UBE4A: variants seen among roughly 807,000 people sequenced by gnomAD.
The protein encoded by UBE4A is ubiquitin conjugation factor E4 A.
In UBE4A, 48 loss-of-function variants were observed where a neutral mutation model predicts 117.9. The ratio of observed to expected loss-of-function variants is 0.41; its 90% CI spans 0.32 to 0.52. The LOEUF (loss-of-function observed/expected upper bound fraction) is 0.52, where lower values mean the gene tolerates loss of function less well. Among genes scored for constraint, UBE4A ranks in the 20% least tolerant of loss-of-function variants. UBE4A has a pLI of 0.33. For missense variants in UBE4A, 1,067 were observed against 1,296.3 expected (o/e 0.82, Z 2.72); for synonymous variants, 407 against 450.0 (o/e 0.90, Z 1.21).
At chr11:118,390,608 A>G in intron 17 of UBE4A, 49 bp from the exon 18 acceptor site, 1 of 1,415,026 alleles carries the variant, frequency 7.1e-7, no homozygotes, top group Non-Finnish European at 9.2e-7. Flanking sequence ...TGTCTCTTCC[A>G]TTGACCAACC....
At chr11:118,364,950 A>G in intron 1 of UBE4A, 90 bp from the exon 2 acceptor site, 1 of 1,178,822 alleles carries the variant, frequency 8.5e-7, no homozygotes, top group Non-Finnish European at 1.1e-6. Flanking sequence ...AATGTATTGT[A>G]TTTGAGAAAT....
At chr11:118,391,052 C>T (rs1263701480) in intron 18 of UBE4A, among the ~76,000 whole-genome samples, 3 of 152,278 alleles carry the variant, frequency 2.0e-5, no homozygotes, top group African/African-American at 7.2e-5. Flanking sequence ...GTCACCTCAG[C>T]TGTGCTGATT....
intron 10 of UBE4A, among the ~76,000 whole-genome samples, chr11:118,378,144 G>A (rs1288469275): frequency 6.6e-6 from 1 of 151,884 alleles, no homozygotes; most frequent in Non-Finnish European, 1.5e-5. Flanking sequence ...CTACTCGGGA[G>A]GTTGAAGAAG....
intron 18 of UBE4A, among the ~76,000 whole-genome samples, chr11:118,392,101 T>C (rs901669546): frequency 6.6e-6 from 1 of 152,220 alleles, no homozygotes. Context: ...ATGACAGAGC[T>C]CTATTAGCAG....
intron 1 of UBE4A, among the ~76,000 whole-genome samples, chr11:118,363,606 CTTTTTTTTTTTTT>C (rs199847839): frequency 8.1e-6 from 1 of 122,848 alleles, no homozygotes; most frequent in Non-Finnish European, 1.7e-5. Context: ...ACCACATTAG[CTTTTTTTTTTTTT>C]TTTTTTTTTT....
At chr11:118,387,635 A>G (rs1198136116) in intron 16 of UBE4A, among the ~76,000 whole-genome samples, 3 of 152,244 alleles carry the variant, frequency 2.0e-5, no homozygotes, top group Admixed American at 2.0e-4. Context: ...GAATTTTTTA[A>G]AACCCACAGT....
At chr11:118,359,789 C>G (rs1235142097) in intron 1 of UBE4A, 115 bp downstream of exon 1, 3 of 152,450 alleles carry the variant, frequency 2.0e-5, no homozygotes, top group African/African-American at 7.2e-5. Flanking sequence ...AATTCCTTCT[C>G]CTATGCTTTG....
Position 118,399,142 on chromosome 11 carries a change from C to T in UBE4A, c.*2702C>T, listed in dbSNP as rs1318629730. 60 of 437,746 alleles carry T rather than the reference C, an allele frequency of 1.4e-4. No individual in the cohort carries two copies. The highest frequency in any genetic ancestry group is 2.6e-4 in the Non-Finnish European group (55 of 215,492). 27.1% of individuals were successfully genotyped at this position (437,746 alleles called of 1,614,324 possible). A position where few individuals can be genotyped will look rare whatever the true frequency, so the allele number is the denominator to read the frequency against. Reference sequence around the variant, plus strand: ...ATTTTGAAACATTCCAGGAAGGTTACTTCTTGTCAAACTTGCCTGGCAGTG... The same window carrying T: ...ATTTTGAAACATTCCAGGAAGGTTATTTCTTGTCAAACTTGCCTGGCAGTG... On this transcript the variant is annotated 3_prime_UTR_variant, in exon 20 of 20. Transcript: ENST00000252108.
intron 4 of UBE4A, among the ~76,000 whole-genome samples, chr11:118,371,183 C>G (rs950988316): frequency 2.0e-5 from 3 of 152,164 alleles, no homozygotes; most frequent in Admixed American, 6.5e-5. Context: ...TTATATAAGT[C>G]TGAATGAGAT....
In UBE4A at chr11:118,382,584, TGC is replaced by T; in HGVS notation, c.2010-4_2010-3del. 6.5e-7 allele frequency: 1 copy of T among 1,532,764 alleles called. No homozygotes were observed. The highest frequency in any genetic ancestry group is 1.9e-5 in the Admixed American group (1 of 52,972). The allele number at this position is 1,532,764 out of a possible 1,614,324, so 94.9% of individuals were successfully genotyped here. On this transcript the variant is annotated splice_polypyrimidine_tract_variant and splice_region_variant and intron_variant, in intron 12 of 19. Transcript: ENST00000252108. ...TGCTCATCTTGCTTTTTGCCCATTT[TGC>T]AGAATGAAGAATCCCCACCTGAGGG...
At chr11:118,367,049 C>T (rs556061041) in intron 2 of UBE4A, among the ~76,000 whole-genome samples, 102 of 152,076 alleles carry the variant, frequency 6.7e-4, no homozygotes, top group Non-Finnish European at 1.0e-3. Flanking sequence ...ACTAAAAATA[C>T]AAAAATTAGC....
intron 4 of UBE4A, among the ~76,000 whole-genome samples, chr11:118,369,958 G>A (rs1401482733): frequency 6.6e-6 from 1 of 152,046 alleles, no homozygotes; most frequent in Non-Finnish European, 1.5e-5. Flanking sequence ...TGGGCATGGT[G>A]GTGGGCGCCT....
chr11:118,396,597 A>G lies in UBE4A; in HGVS notation c.*157A>G. The G allele has an allele frequency of 1.2e-6, 1 of 849,900 alleles. No homozygotes were observed. The highest frequency in any genetic ancestry group is 2.0e-5 in the South Asian group (1 of 49,508). 52.6% of individuals were successfully genotyped at this position (849,900 alleles called of 1,614,324 possible). On this transcript the variant is annotated 3_prime_UTR_variant, in exon 20 of 20. Coordinates refer to ENST00000252108, the MANE Select transcript of UBE4A (RefSeq NM_001204077.2). ...TTAGAGAACTGCTCTTGCTGAAATTATGATAGTTAAGATTCCTAAGAACTT... is the reference window on the plus strand; with the variant it reads ...TTAGAGAACTGCTCTTGCTGAAATTGTGATAGTTAAGATTCCTAAGAACTT...
In UBE4A at chr11:118,371,522, C is replaced by T. The variant is rs137969453; in HGVS notation, c.417C>T (p.Phe139=). The part of the protein sequence containing the change: ...LDMSNVEQAL[F]ARLLLQDPGN... Reference sequence around the variant, plus strand: ...TTTGGTTTTCTTTATAGGCCCTCTTCGCTCGCTTATTACTTCAAGATCCAG... The same window carrying T: ...TTTGGTTTTCTTTATAGGCCCTCTTTGCTCGCTTATTACTTCAAGATCCAG... The change falls in exon 5 of 20, where the codon TTC becomes TTT. Residue 139 remains phenylalanine (F), a synonymous_variant. Transcript: ENST00000252108. 181 of 1,610,294 alleles carry T rather than the reference C, an allele frequency of 1.1e-4. No individual in the cohort carries two copies. Among genetic ancestry groups the T allele is most frequent in the Non-Finnish European group, 1.4e-4 (162 of 1,177,924 alleles).
chr11:118,375,233 G>A lies in UBE4A; in HGVS notation c.1450+4G>A. The A allele has an allele frequency of 6.3e-7, 1 of 1,587,984 alleles. No homozygotes were observed. The stretch of plus-strand genomic sequence containing the variant: ...ATTAAAAATGTACACATGAGAGGTA[G>A]GAGAGAACCAGGCTTCTCAAAACTG... On this transcript the variant is annotated splice_donor_region_variant and intron_variant, in intron 9 of 19. Transcript: ENST00000252108.
rs772918512 is a variant in UBE4A, at chr11:118,372,565, T to G, written c.620T>G (p.Val207Gly). ...GCAGTGCAGTGCAGAAACCTCACTG[T>G]GTCCAATACCCGAACAGTTCTTCTC... is the stretch of plus-strand genomic sequence containing the variant. Reference protein sequence around the residue: ...PFAVQCRNLTVSNTRTVLLTP... With the variant: ...PFAVQCRNLTGSNTRTVLLTP... The change falls in exon 6 of 20, where the codon GTG becomes GGG. Residue 207 changes from valine to glycine, a missense_variant. Val to Gly is a moderately radical substitution (Grantham distance 109). Transcript: ENST00000252108. The G allele has an allele frequency of 2.6e-5, 42 of 1,613,992 alleles. No individual in the cohort carries two copies. Among genetic ancestry groups the G allele is most frequent in the Non-Finnish European group, 3.5e-5 (41 of 1,180,038 alleles).
chr11:118,381,486 C>T lies in UBE4A; in HGVS notation c.1972C>T (p.Leu658Phe). 1.2e-6 allele frequency: 2 copies of T among 1,614,062 alleles called. No individual in the cohort carries two copies. Among genetic ancestry groups the T allele is most frequent in the East Asian group, 2.2e-5 (1 of 44,866 alleles). Reference sequence around the variant, plus strand: ...ATCAGCAGATTCCCTGGAGCATGTCCTTCACTTTATCACCATTTTCACTGG... The same window carrying T: ...ATCAGCAGATTCCCTGGAGCATGTCTTTCACTTTATCACCATTTTCACTGG... ...ETSADSLEHV[L>F]HFITIFTGSI... Residue 658 changes from leucine to phenylalanine, a missense_variant, in exon 12 of 20, where the codon CTT becomes TTT. By Grantham distance (22) the Leu-to-Phe change is conservative. Transcript: ENST00000252108.
intron 10 of UBE4A, among the ~76,000 whole-genome samples, chr11:118,378,120 G>A (rs1030702601): frequency 1.3e-5 from 2 of 151,698 alleles, no homozygotes; most frequent in Admixed American, 1.3e-4. Context: ...GGTGGTACGC[G>A]CCTGTAGTCC....
intron 2 of UBE4A, 86 bp downstream of exon 2, chr11:118,365,287 A>G (rs774831036): frequency 1.9e-4 from 269 of 1,429,848 alleles, no homozygotes; most frequent in Non-Finnish European, 2.4e-4. Context: ...CTTAATTGCA[A>G]TTGGAATTTA....
Sources: gnomAD v4.1 joint callset for allele counts (sites outside exome capture counted in the v4.1 genomes callset) on GRCh38, gnomAD v4.1.1 for gene constraint, MANE v1.5 for transcripts, NCBI Gene and HGNC (gene_info 2026-07-23, HGNC 2026-07-21) for gene names.